Variants in HMCN1 observed in about 807,000 individuals in gnomAD.
The protein encoded by HMCN1 is hemicentin-1.
In HMCN1, 321 loss-of-function variants were observed where a neutral mutation model predicts 625.9. The ratio of observed to expected loss-of-function variants is 0.51; its 90% CI spans 0.47 to 0.56. HMCN1 has a LOEUF of 0.56. Ranked by LOEUF, HMCN1 falls within the 20% of genes least tolerant of loss-of-function variation. HMCN1 has a pLI of 0.00. For synonymous variants in HMCN1, 2,425 were observed against 2,417.6 expected, an observed-to-expected ratio of 1.00 and a Z score of -0.09; for missense variants, 6,588 against 6,887.3, an observed-to-expected ratio of 0.96 and a Z score of 1.54.
At position 185,970,290 on chromosome 1, in the gene HMCN1, T is replaced by G. The variant is rs772486900; in HGVS notation, c.2213-45T>G. The G allele has an allele frequency of 5.1e-6, 8 of 1,559,196 alleles. No homozygotes were observed. In the African/African-American group the frequency reaches 8.1e-5, roughly 16 times the overall value. ...TTAAACCAATAGCTGCATAAACAAT[T>G]TTAATACTTTAGTGTTTAATGTTCT... On this transcript the variant is annotated intron_variant, in intron 14 of 106. Transcript: ENST00000271588.
intron 49 of HMCN1, among the ~76,000 whole-genome samples, chr1:186,067,272 G>A (rs1453888424): frequency 5.3e-5 from 8 of 151,734 alleles, no homozygotes; most frequent in South Asian, 2.1e-4. Context: ...TCAGTTCCTC[G>A]TTATATTTTA....
chr1:185,906,033 C>T (rs147915317), intron 4 of HMCN1, among the ~76,000 whole-genome samples: 1 of 151,774 alleles, frequency 6.6e-6, no homozygotes, highest in East Asian at 1.9e-4. Context: ...AATTTGTAGG[C>T]TCTCACATTA....
intron 4 of HMCN1, among the ~76,000 whole-genome samples, chr1:185,877,270 G>A (rs1361165709): frequency 7.1e-6 from 1 of 141,222 alleles, no homozygotes; most frequent in Non-Finnish European, 1.5e-5. Flanking sequence ...CTGGGAGTAT[G>A]TGGCTTAATT....
intron 15 of HMCN1, among the ~76,000 whole-genome samples, chr1:185,973,150 T>C (rs1650946625): frequency 6.6e-6 from 1 of 152,130 alleles, no homozygotes; most frequent in Non-Finnish European, 1.5e-5. Flanking sequence ...TGGTTGGTTG[T>C]AAAGATAAAA....
intron 100 of HMCN1, among the ~76,000 whole-genome samples, chr1:186,169,327 A>G (rs1272747242): frequency 6.6e-6 from 1 of 152,216 alleles, no homozygotes; most frequent in Admixed American, 6.5e-5. Context: ...TCTTCACAGA[A>G]TTAGAAAAAA....
Position 186,095,311 on chromosome 1 carries a change from A to T in HMCN1, c.10363A>T (p.Met3455Leu). 6.2e-7 allele frequency: 1 copy of T among 1,613,796 alleles called. No homozygotes were observed. Among genetic ancestry groups the T allele is most frequent in the Non-Finnish European group, 8.5e-7 (1 of 1,179,852 alleles). The change falls in exon 68 of 107, where the codon ATG becomes TTG. Residue 3455 changes from methionine to leucine, a missense_variant. Physicochemically the swap from Met to Leu is conservative, Grantham distance 15. Coordinates refer to ENST00000271588, the MANE Select transcript of HMCN1 (RefSeq NM_031935.3). The part of the protein sequence containing the change: ...ITVLKGSSTS[M>L]ACITDGTPAP... ...AGTTCTCAAAGGTAGTTCCACCTCTATGGCATGCATTACTGATGGAACCCC... is the reference window on the plus strand; with the variant it reads ...AGTTCTCAAAGGTAGTTCCACCTCTTTGGCATGCATTACTGATGGAACCCC...
chr1:185,980,923 C>A, intron 16 of HMCN1, 55 bp from the exon 17 acceptor site: 1 of 1,060,364 alleles, frequency 9.4e-7, no homozygotes, highest in South Asian at 1.3e-5. Context: ...GTTTCTGGCA[C>A]ATAGTTAATT....
chr1:185,741,699 AACTAATTGGTC>A (rs759510358), intron 1 of HMCN1, among the ~76,000 whole-genome samples: 1 of 152,210 alleles, frequency 6.6e-6, no homozygotes, highest in Non-Finnish European at 1.5e-5. Context: ...TTCAAGGAAG[AACTAATTGGTC>A]ACTTAAAAGG....
At chr1:186,159,522 T>C (rs1199195331) in intron 97 of HMCN1, among the ~76,000 whole-genome samples, 1 of 152,166 alleles carries the variant, frequency 6.6e-6, no homozygotes, top group African/African-American at 2.4e-5. Context: ...ATGCTTCCAG[T>C]TTTTGTCCAT....
chr1:185,844,495 T>C (rs1006657945), intron 1 of HMCN1, among the ~76,000 whole-genome samples: 1 of 152,344 alleles, frequency 6.6e-6, no homozygotes, highest in South Asian at 2.1e-4. Context: ...TAGCTTGTTA[T>C]GGAAGGTTTG....
At position 185,925,083 on chromosome 1, in the gene HMCN1, G is replaced by A. The variant is rs1667211423; in HGVS notation, c.1322G>A (p.Gly441Glu). The change falls in exon 9 of 107, where the codon GGA (glycine) becomes GAA (glutamate). Residue 441 changes from glycine (G) to glutamate (E), a missense_variant. Coordinates refer to ENST00000271588, the MANE Select transcript of HMCN1 (RefSeq NM_031935.3). ...GTTACGATGCCTGAGAAAACCCCAG[G>A]ATACTATCTGCAGCCGGGCCAAATT... is the stretch of plus-strand genomic sequence containing the variant. ...PKVTMPEKTP[G>E]YYLQPGQIPC... 1.9e-6 allele frequency: 3 copies of A among 1,613,628 alleles called. No individual in the cohort carries two copies. The African/African-American group carries it at 4.0e-5, about 22-fold the overall frequency.
intron 11 of HMCN1, among the ~76,000 whole-genome samples, chr1:185,949,886 A>G (rs1447434423): frequency 6.6e-6 from 1 of 151,702 alleles, no homozygotes; most frequent in Admixed American, 6.6e-5. Context: ...GAGGAGTAGT[A>G]GAATAGCAGA....
intron 67 of HMCN1, among the ~76,000 whole-genome samples, chr1:186,095,004 CA>C (rs1660053132): frequency 6.6e-6 from 1 of 152,054 alleles, no homozygotes; most frequent in African/African-American, 2.4e-5. Flanking sequence ...AAATTTAAAA[CA>C]CATTGTGCGT....
At chr1:185,740,562 G>GT (rs1281044813) in intron 1 of HMCN1, among the ~76,000 whole-genome samples, 1 of 152,100 alleles carries the variant, frequency 6.6e-6, no homozygotes, top group African/African-American at 2.4e-5. Flanking sequence ...GTGTTGGGAG[G>GT]TAGGGCCTAG....
At chr1:185,942,640 A>AT (rs983783895) in intron 11 of HMCN1, among the ~76,000 whole-genome samples, 2 of 151,806 alleles carry the variant, frequency 1.3e-5, no homozygotes, top group African/African-American at 2.4e-5. Context: ...AAATGTGTAA[A>AT]TTTTTTTTTC....
rs747998239 is a variant in HMCN1, at chr1:186,123,155, A to G, written c.12434A>G (p.His4145Arg). 1 of 1,613,910 alleles carries G rather than the reference A, an allele frequency of 6.2e-7. No homozygotes were observed. Among genetic ancestry groups the G allele is most frequent in the African/African-American group, 1.3e-5 (1 of 74,918 alleles). ...TTTGTCCAGCCTGGTGATGCTGGCC[A>G]TTACACGTGCATGGCAGCCAATGTA... The part of the protein sequence containing the change: ...IAFVQPGDAG[H>R]YTCMAANVAG... The change falls in exon 81 of 107, where the codon CAT becomes CGT. Residue 4145 changes from histidine to arginine, a missense_variant. His to Arg is a conservative substitution (Grantham distance 29). This residue lies in a region of HMCN1 where 1,954 missense variants were observed against 2,013.1 expected (regional missense o/e 0.97). Transcript: ENST00000271588.
intron 1 of HMCN1, among the ~76,000 whole-genome samples, chr1:185,791,737 C>CAAAT (rs1658015129): frequency 6.6e-6 from 1 of 151,964 alleles, no homozygotes; most frequent in African/African-American, 2.4e-5. Flanking sequence ...AACAAACAAA[C>CAAAT]AAACAAACAG....
chr1:185,748,266 G>A (rs1316076174), intron 1 of HMCN1, among the ~76,000 whole-genome samples: 1 of 151,994 alleles, frequency 6.6e-6, no homozygotes, highest in Non-Finnish European at 1.5e-5. Context: ...ATTCCCCAGA[G>A]GGTCTTCCCA....
chr1:185,920,604 T>C (rs188327300), intron 6 of HMCN1, among the ~76,000 whole-genome samples: 2 of 152,310 alleles, frequency 1.3e-5, no homozygotes, highest in Admixed American at 1.3e-4. Flanking sequence ...GGGCTCCCTC[T>C]TCATCAAATC....
Sources: allele counts gnomAD v4.1 joint callset (sites outside exome capture counted in the v4.1 genomes callset), GRCh38; gene constraint gnomAD v4.1.1; regional missense constraint gnomAD v4.1.1; transcripts MANE v1.5; gene names NCBI Gene and HGNC (gene_info 2026-07-23, HGNC 2026-07-21).